Variants in PTPRT observed in about 807,000 individuals in gnomAD.
PTPRT encodes receptor-type tyrosine-protein phosphatase T.
In PTPRT, 56 loss-of-function variants were observed where a neutral mutation model predicts 176.8. That is an observed-to-expected ratio of 0.32 (90% CI 0.26 to 0.40). PTPRT has a LOEUF of 0.40. Ranked by LOEUF, PTPRT falls within the 10% of genes least tolerant of loss-of-function variation. PTPRT has a pLI of 1.00. For missense variants in PTPRT, 1,540 were observed against 1,908.2 expected (o/e 0.81, Z 3.60); for synonymous variants, 783 against 739.0 (o/e 1.06, Z -0.96).
At chr20:42,857,263 C>A (rs962206684) in intron 2 of PTPRT, among the ~76,000 whole-genome samples, 1 of 152,170 alleles carries the variant, frequency 6.6e-6, no homozygotes, top group Non-Finnish European at 1.5e-5. Flanking sequence ...TTCACACATT[C>A]TTTCTTTCCA....
At chr20:42,910,734 C>T (rs768895845) in intron 1 of PTPRT, among the ~76,000 whole-genome samples, 48 of 152,218 alleles carry the variant, frequency 3.2e-4, no homozygotes, top group Non-Finnish European at 2.5e-4. Flanking sequence ...GAGGTGATTA[C>T]GGAACACAAA....
At chr20:42,886,665 C>T (rs1184035258) in intron 1 of PTPRT, among the ~76,000 whole-genome samples, 2 of 152,292 alleles carry the variant, frequency 1.3e-5, no homozygotes, top group Non-Finnish European at 2.9e-5. Flanking sequence ...AAGCCATCCA[C>T]CATTTGACAA....
intron 8 of PTPRT, among the ~76,000 whole-genome samples, chr20:42,460,392 A>C (rs142001283): frequency 6.6e-6 from 1 of 152,190 alleles, no homozygotes; most frequent in African/African-American, 2.4e-5. Flanking sequence ...TTTTCCTGCT[A>C]CAATGGTGGC....
intron 7 of PTPRT, among the ~76,000 whole-genome samples, chr20:42,642,276 T>C (rs1303059914): frequency 1.3e-5 from 2 of 152,152 alleles, no homozygotes; most frequent in Non-Finnish European, 2.9e-5. Flanking sequence ...TAATGATCAT[T>C]CTTTCACATC....
At chr20:42,614,252 G>A (rs912940854) in intron 7 of PTPRT, among the ~76,000 whole-genome samples, 3 of 151,952 alleles carry the variant, frequency 2.0e-5, no homozygotes, top group African/African-American at 7.3e-5. Context: ...TTTTTGTAAG[G>A]ACACCTGTCA....
chr20:43,026,731 C>T (rs988891505), intron 1 of PTPRT, among the ~76,000 whole-genome samples: 1 of 152,194 alleles, frequency 6.6e-6, no homozygotes, highest in Non-Finnish European at 1.5e-5. Flanking sequence ...ACCCCTTCCA[C>T]ACCCTCACTT....
intron 7 of PTPRT, among the ~76,000 whole-genome samples, chr20:42,507,163 G>T (rs1456944751): frequency 6.6e-6 from 1 of 152,092 alleles, no homozygotes; most frequent in Non-Finnish European, 1.5e-5. Context: ...GATATGAATT[G>T]GGATAATATA....
At chr20:42,036,728 G>A in the PTPRT span, among the ~76,000 whole-genome samples, 1 of 152,194 alleles carries the variant, frequency 6.6e-6, no homozygotes, top group Non-Finnish European at 1.5e-5. Context: ...GGCTGGTTCA[G>A]CCAGAGAGGC....
At chr20:42,317,511 G>C (rs1029184859) in intron 11 of PTPRT, among the ~76,000 whole-genome samples, 1 of 152,148 alleles carries the variant, frequency 6.6e-6, no homozygotes, top group African/African-American at 2.4e-5. Context: ...AATTAATGAG[G>C]TGGTTGCAGT....
Position 43,189,611 on chromosome 20 carries a change from C to CGGGGA in PTPRT, c.88+30_88+34dup. 2 of 1,213,528 alleles carry CGGGGA rather than the reference C, an allele frequency of 1.6e-6. No homozygotes were observed. Among genetic ancestry groups the CGGGGA allele is most frequent in the Non-Finnish European group, 2.1e-6 (2 of 970,578 alleles). 75.2% of individuals were successfully genotyped at this position (1,213,528 alleles called of 1,614,324 possible). A position where few individuals can be genotyped will look rare whatever the true frequency, so the allele number is the denominator to read the frequency against. On this transcript the variant is annotated intron_variant, in intron 1 of 30. Coordinates refer to ENST00000373187, the MANE Select transcript of PTPRT (RefSeq NM_007050.6). This position sits in a 1 kb window ranked among gnomAD's most constrained non-coding sequence, Gnocchi z 5.0. ...GGGCCCGCGCGCATCCAGGAGGGAG[C>CGGGGA]GGGGAGCCCAGGGGAGCCGGGCGGG...
intron 13 of PTPRT, among the ~76,000 whole-genome samples, chr20:42,265,693 A>G (rs1350041221): frequency 6.6e-6 from 1 of 151,988 alleles, no homozygotes; most frequent in African/African-American, 2.4e-5. Context: ...ACCATCTGTC[A>G]ACCCCTTCCA....
At chr20:42,937,356 C>T (rs867909946) in intron 1 of PTPRT, among the ~76,000 whole-genome samples, 20 of 152,240 alleles carry the variant, frequency 1.3e-4, no homozygotes, top group Middle Eastern at 3.4e-3. Flanking sequence ...CCCACGTGTG[C>T]CTGTGTTTCT....
At chr20:42,586,930 G>A (rs554881917) in intron 7 of PTPRT, among the ~76,000 whole-genome samples, 1 of 152,260 alleles carries the variant, frequency 6.6e-6, no homozygotes, top group East Asian at 1.9e-4. Context: ...CGCAGTCATT[G>A]GGAGTGAGTG....
chr20:42,464,674 C>G (rs1045746324), intron 8 of PTPRT, among the ~76,000 whole-genome samples: 1 of 152,200 alleles, frequency 6.6e-6, no homozygotes, highest in Non-Finnish European at 1.5e-5. Flanking sequence ...AGCTCTAATA[C>G]AGTGATGCCT....
In PTPRT at chr20:42,115,307, A is replaced by G; in HGVS notation, c.2991T>C (p.Cys997=). 6.2e-7 allele frequency: 1 copy of G among 1,613,554 alleles called. No homozygotes were observed. The highest frequency in any genetic ancestry group is 8.5e-7 in the Non-Finnish European group (1 of 1,179,476). ...TNLVEVGRVK[C]VRYWPDDTEV... ...CCGTGTCATCTGGCCAGTATCGCAC[A>G]CATTTCACCTGTGGCCAAGTGAGAG... The change falls in exon 22 of 31, where the codon TGT becomes TGC. Residue 997 remains cysteine (C), a synonymous_variant. Coordinates refer to ENST00000373187, the MANE Select transcript of PTPRT (RefSeq NM_007050.6).
rs1271529175 is a variant in PTPRT at position 42,074,052 on chromosome 20, C to A, written c.*6827G>T. ...GGGTCTAGCAAACTGTGCTTGACTTCATCCAAGAATCTGCAGAGCTATGGA... is the reference window on the plus strand; with the variant it reads ...GGGTCTAGCAAACTGTGCTTGACTTAATCCAAGAATCTGCAGAGCTATGGA... On this transcript the variant is annotated 3_prime_UTR_variant, in exon 31 of 31. Coordinates refer to ENST00000373187, the MANE Select transcript of PTPRT (RefSeq NM_007050.6). The A allele has an allele frequency of 3.0e-5, 7 of 230,012 alleles. No homozygotes were observed. The highest frequency in any genetic ancestry group is 6.0e-5 in the Non-Finnish European group (7 of 116,082). The allele number at this position is 230,012 out of a possible 1,614,324, so 14.2% of individuals were successfully genotyped here. A position where few individuals can be genotyped will look rare whatever the true frequency, so the allele number is the denominator to read the frequency against.
chr20:42,481,777 A>AACACAC (rs11468323), intron 7 of PTPRT, among the ~76,000 whole-genome samples: 5 of 144,498 alleles, frequency 3.5e-5, no homozygotes, highest in Admixed American at 6.9e-5. Flanking sequence ...TACACACACA[A>AACACAC]ACACACACAC....
chr20:43,059,691 T>C (rs1190039734), intron 1 of PTPRT, among the ~76,000 whole-genome samples: 1 of 152,160 alleles, frequency 6.6e-6, no homozygotes. Flanking sequence ...TAAAGGTCTG[T>C]TCAACAGCCA....
chr20:43,131,047 G>A (rs117993284), intron 1 of PTPRT, among the ~76,000 whole-genome samples: 1,949 of 152,308 alleles, frequency 0.013, 17 homozygotes, highest in East Asian at 0.043. Context: ...TCAGGACGCA[G>A]GTAGAAACAC....
Sources: allele counts gnomAD v4.1 joint callset (sites outside exome capture counted in the v4.1 genomes callset), GRCh38; gene constraint gnomAD v4.1.1; non-coding constraint Gnocchi (gnomAD v3.1); transcripts MANE v1.5; gene names NCBI Gene and HGNC (gene_info 2026-07-23, HGNC 2026-07-21).